Variants in PCDH15 observed in about 807,000 individuals in gnomAD.
PCDH15 encodes protocadherin related 15.
A neutral mutation model predicts 178.5 loss-of-function variants in PCDH15; 129 were observed. That is an observed-to-expected ratio of 0.72 (90% CI 0.63 to 0.84). PCDH15 has a LOEUF of 0.84. PCDH15 is among the 40% of genes least tolerant of loss of function. PCDH15 has a pLI of 0.00. For missense variants in PCDH15, 2,230 were observed against 2,099.9 expected (o/e 1.06, Z -1.21); for synonymous variants, 800 against 732.0 (o/e 1.09, Z -1.50).
chr10:54,837,832 C>A (rs968737032), intron 3 of PCDH15, among the ~76,000 whole-genome samples: 1 of 152,032 alleles, frequency 6.6e-6, no homozygotes, highest in African/African-American at 2.4e-5. Context: ...TTTGAGAAAG[C>A]AAGTCGATAC....
chr10:54,403,849 TCACA>T (rs886649155), intron 3 of PCDH15, among the ~76,000 whole-genome samples: 3 of 147,424 alleles, frequency 2.0e-5, no homozygotes, highest in East Asian at 2.0e-4. Flanking sequence ...TGCCACACAC[TCACA>T]CACACACACA....
chr10:54,862,041 T>G (rs370848402), intron 3 of PCDH15, among the ~76,000 whole-genome samples: 302 of 152,308 alleles, frequency 2.0e-3, no homozygotes, highest in Non-Finnish European at 3.4e-3. Context: ...CAAAAAGAAC[T>G]AAATATATAA....
intron 2 of PCDH15, among the ~76,000 whole-genome samples, chr10:55,071,347 C>A (rs907791377): frequency 3.3e-5 from 5 of 152,060 alleles, no homozygotes; most frequent in African/African-American, 4.8e-5. Flanking sequence ...GTATTCAGGA[C>A]ACCCATCTCA....
chr10:55,195,486 C>CAA lies in PCDH15; in HGVS notation c.-155-28837_-155-28836dup, dbSNP rs34476628. ...TGAAACCCTATTTCTACTAAAAATA[C>CAA]AAAAAAAAAAAAAAAAAAAATTAGG... On this transcript the variant is annotated intron_variant, in intron 1 of 5. Transcript: ENST00000458638. Among the ~76,000 whole-genome samples the CAA allele has an allele frequency of 3.0e-3, 343 of 115,180 alleles. 4 individuals are homozygous for CAA. The highest frequency in any genetic ancestry group is 4.7e-3 in the Middle Eastern group (1 of 214). 75.6% of individuals were successfully genotyped at this position (115,180 alleles called of 152,430 possible). A position where few individuals can be genotyped will look rare whatever the true frequency, so the allele number is the denominator to read the frequency against.
intron 2 of PCDH15, among the ~76,000 whole-genome samples, chr10:55,603,197 A>G (rs1225982075): frequency 6.6e-6 from 1 of 152,130 alleles, no homozygotes; most frequent in Non-Finnish European, 1.5e-5. Context: ...AAAAAAGAAT[A>G]AAAAGAAACA....
intron 26 of PCDH15, among the ~76,000 whole-genome samples, chr10:53,888,309 T>TATATATATATATATATATAC (rs59199185): frequency 3.7e-5 from 4 of 107,808 alleles, no homozygotes; most frequent in African/African-American, 1.6e-4. Context: ...TATATATATA[T>TATATATATATATATATATAC]GTATATATGT....
At chr10:55,010,959 A>G (rs10740606) in intron 2 of PCDH15, among the ~76,000 whole-genome samples, 80,077 of 151,912 alleles carry the variant, frequency 0.53, 22,150 homozygotes, top group East Asian at 0.75. Context: ...CCAGAAATAC[A>G]AGATTAATAC....
At chr10:54,939,547 T>TTA (rs1838006618) in intron 2 of PCDH15, among the ~76,000 whole-genome samples, 1 of 149,140 alleles carries the variant, frequency 6.7e-6, no homozygotes. Context: ...TTGTAGGCAT[T>TTA]TGGTAGTTCG....
intron 2 of PCDH15, among the ~76,000 whole-genome samples, chr10:54,619,615 A>T (rs1221190804): frequency 6.6e-6 from 1 of 152,016 alleles, no homozygotes; most frequent in Non-Finnish European, 1.5e-5. Flanking sequence ...GTCCCACCAA[A>T]GGTACTCTAA....
intron 1 of PCDH15, among the ~76,000 whole-genome samples, chr10:55,196,672 C>A: frequency 6.6e-6 from 1 of 152,004 alleles, no homozygotes; most frequent in East Asian, 1.9e-4. Context: ...AAAAGTATTT[C>A]ATTAATGGTA....
rs945861005 is a variant in PCDH15 at position 54,176,108 on chromosome 10, T to C, written c.1590+7336A>G. Among the ~76,000 whole-genome samples, 6 of 152,168 alleles carry C rather than the reference T, an allele frequency of 3.9e-5. No homozygotes were observed. The South Asian group carries it at 6.2e-4, about 16-fold the overall frequency. ...ATTCTTACGCCAAATAGAACATATA[T>C]CTAAAATTAGGTGTTTTCTAAACTC... On this transcript the variant is annotated intron_variant, in intron 13 of 37. Transcript: ENST00000644397.
intron 28 of PCDH15, among the ~76,000 whole-genome samples, chr10:53,852,013 G>T (rs1024466411): frequency 6.6e-6 from 1 of 151,728 alleles, no homozygotes; most frequent in Non-Finnish European, 1.5e-5. Flanking sequence ...TGTCAGTTCC[G>T]ATTCATACAA....
intron 2 of PCDH15, among the ~76,000 whole-genome samples, chr10:54,549,104 C>G (rs1407851307): frequency 6.6e-6 from 1 of 151,000 alleles, no homozygotes; most frequent in Non-Finnish European, 1.5e-5. Flanking sequence ...TCTATTTTTC[C>G]TGTTCATTTT....
chr10:53,832,834 T>G (rs2077090110), intron 29 of PCDH15, among the ~76,000 whole-genome samples: 1 of 152,050 alleles, frequency 6.6e-6, no homozygotes, highest in Non-Finnish European at 1.5e-5. Context: ...CACTGTTCAT[T>G]GCTTAAAAAT....
intron 2 of PCDH15, among the ~76,000 whole-genome samples, chr10:55,075,155 A>G (rs1349018588): frequency 6.6e-6 from 1 of 151,334 alleles, no homozygotes; most frequent in East Asian, 1.9e-4. Context: ...CAGGTTTTCT[A>G]TTTTTTCTTT....
intron 2 of PCDH15, among the ~76,000 whole-genome samples, chr10:54,537,956 G>A (rs2084764122): frequency 6.6e-6 from 1 of 152,124 alleles, no homozygotes; most frequent in Non-Finnish European, 1.5e-5. Flanking sequence ...ATTTTTCAAT[G>A]TGGTTATTTG....
At chr10:54,516,728 C>G (rs1018640503) in intron 3 of PCDH15, among the ~76,000 whole-genome samples, 15 of 151,418 alleles carry the variant, frequency 9.9e-5, no homozygotes, top group East Asian at 5.9e-4. Context: ...AGATACTCCT[C>G]GAGAAGAGCA....
chr10:55,453,782 G>A (rs1438863396), intron 2 of PCDH15, among the ~76,000 whole-genome samples: 2 of 151,908 alleles, frequency 1.3e-5, no homozygotes, highest in Non-Finnish European at 2.9e-5. Flanking sequence ...TATACCTTAG[G>A]TAGTGCATCC....
chr10:54,127,225 G>A (rs567802771), intron 15 of PCDH15, among the ~76,000 whole-genome samples: 8 of 152,184 alleles, frequency 5.3e-5, no homozygotes, highest in African/African-American at 1.4e-4. Context: ...GTGCAAAGGG[G>A]GTCATACTTT....
Sources: allele counts gnomAD v4.1 joint callset (sites outside exome capture counted in the v4.1 genomes callset), GRCh38; gene constraint gnomAD v4.1.1; transcripts MANE v1.5; gene names NCBI Gene and HGNC (gene_info 2026-07-23, HGNC 2026-07-21).